The following CLCN5 variants were observed in gnomAD, a reference collection of about 807,000 sequenced individuals.
CLCN5 encodes Cl-/H+ antiporter 5, also known as H(+)/Cl(-) exchange transporter 5.
Under a neutral mutation model 54.0 loss-of-function variants are expected in CLCN5, and 17 were observed. The ratio of observed to expected loss-of-function variants is 0.31; its 90% CI spans 0.22 to 0.47. The LOEUF (loss-of-function observed/expected upper bound fraction) is 0.47, where lower values mean the gene tolerates loss of function less well. Among genes scored for constraint, CLCN5 ranks in the 20% least tolerant of loss-of-function variants. The probability of loss-of-function intolerance (pLI) is 1.00; values close to 1 mark genes in which losing one functional copy is unlikely to be tolerated. For missense variants in CLCN5, 448 were observed against 646.7 expected (o/e 0.69, Z 3.33); for synonymous variants, 222 against 233.0 (o/e 0.95, Z 0.43).
At chrX:50,051,702 T>C (rs1932593384) in intron 4 of CLCN5, among the ~76,000 whole-genome samples, 1 of 112,106 alleles carries the variant, frequency 8.9e-6, no homozygotes, top group Admixed American at 9.5e-5. Context: ...TGTAGTTTTC[T>C]GCATATAGAT....
chrX:50,069,362 T>C (rs1933146000), intron 4 of CLCN5: 1 of 167,726 alleles, frequency 6.0e-6, no homozygotes, highest in African/African-American at 3.1e-5. Flanking sequence ...GATCAAGTCT[T>C]ATACCTATTG....
rs1003213787 is a variant in CLCN5 at position 49,927,223 on chromosome X, T to C, written c.16+1909T>C. Among the ~76,000 whole-genome samples the C allele has an allele frequency of 7.1e-5, 8 of 112,410 alleles. No homozygotes were observed. In the Admixed American group the frequency reaches 7.5e-4, roughly 11 times the overall value. On this transcript the variant is annotated intron_variant, in intron 3 of 14. Transcript: ENST00000376091. ...TTTTTCTCTGTAGTTAATGGAAATG[T>C]CATTACTAGTTAATGATTTATTTTA...
At chrX:50,015,156 C>T (rs782418705) in intron 3 of CLCN5, among the ~76,000 whole-genome samples, 10 of 111,122 alleles carry the variant, frequency 9.0e-5, no homozygotes, top group Non-Finnish European at 1.5e-4. Flanking sequence ...CAGTGACAAA[C>T]GAGAGTCAAA....
intron 3 of CLCN5, among the ~76,000 whole-genome samples, chrX:49,965,715 A>G (rs782476120): frequency 1.8e-5 from 2 of 112,203 alleles, no homozygotes; most frequent in African/African-American, 3.2e-5. Context: ...CCAGTCTTTC[A>G]TCTTCAAGAA....
At chrX:50,089,872 A>C (rs1021696156) in intron 12 of CLCN5, among the ~76,000 whole-genome samples, 14 of 111,906 alleles carry the variant, frequency 1.3e-4, no homozygotes, top group Non-Finnish European at 2.3e-4. Flanking sequence ...GTGACAGAGC[A>C]CAAAACCCGT....
At position 50,090,521 on chromosome X, in the gene CLCN5, A is replaced by G. The variant is rs781811132; in HGVS notation, c.2143+7A>G. 18 of 1,200,518 alleles carry G rather than the reference A, an allele frequency of 1.5e-5. No homozygotes were observed. The highest frequency in any genetic ancestry group is 8.9e-5 in the Admixed American group (4 of 44,749). On this transcript the variant is annotated splice_region_variant and intron_variant, in intron 13 of 14. Transcript: ENST00000376091. ...GATCTCATTATTTCAATTGGTAAGG[A>G]TTTCAGAAAGGGGATAGTGGAATCC...
chrX:49,930,848 A>G (rs1040061698), intron 3 of CLCN5, among the ~76,000 whole-genome samples: 1 of 112,156 alleles, frequency 8.9e-6, no homozygotes, highest in Non-Finnish European at 1.9e-5. Context: ...AACTGTCATT[A>G]AAAGTATGGA....
intron 3 of CLCN5, among the ~76,000 whole-genome samples, chrX:49,949,811 C>T (rs892569872): frequency 1.8e-5 from 2 of 111,521 alleles, no homozygotes; most frequent in Non-Finnish European, 3.8e-5. Flanking sequence ...AAATCAGATT[C>T]CTTGATTCCC....
intron 3 of CLCN5, among the ~76,000 whole-genome samples, chrX:50,017,820 T>C (rs1557183795): frequency 8.9e-6 from 1 of 111,853 alleles, no homozygotes; most frequent in African/African-American, 3.2e-5. Context: ...TCTGGATTTG[T>C]TCTGTTCTAT....
At chrX:50,088,562 A>G (rs1557194312) in intron 11 of CLCN5, 136 bp from the exon 12 acceptor site, 1 of 593,667 alleles carries the variant, frequency 1.7e-6, no homozygotes, top group Non-Finnish European at 2.9e-6. Flanking sequence ...ACACCTTTAC[A>G]GCCACTTGCT....
intron 3 of CLCN5, among the ~76,000 whole-genome samples, chrX:50,035,742 A>C (rs1414877051): frequency 8.9e-6 from 1 of 112,296 alleles, no homozygotes; most frequent in African/African-American, 3.2e-5. Flanking sequence ...GATGGGATCC[A>C]GATTTGATAG....
At chrX:50,043,402 G>C (rs150884206) in intron 4 of CLCN5, among the ~76,000 whole-genome samples, 1 of 111,996 alleles carries the variant, frequency 8.9e-6, no homozygotes, top group African/African-American at 3.2e-5. Flanking sequence ...GAGTATTTTT[G>C]TCGCATAAGT....
rs186185812 is a variant in CLCN5, at chrX:49,971,326, A to G, written c.16+46012A>G. Among the ~76,000 whole-genome samples, 16 of 105,207 alleles carry G rather than the reference A, an allele frequency of 1.5e-4. No homozygotes were observed. The East Asian group carries it at 4.3e-3, about 28-fold the overall frequency. 91.4% of individuals were successfully genotyped at this position (105,207 alleles called of 115,157 possible). A position where few individuals can be genotyped will look rare whatever the true frequency, so the allele number is the denominator to read the frequency against. Reference sequence around the variant, plus strand: ...ATAATCATGTTATATATATTTAGAAATAGTTTCACTTACTTTCCAATCTGG... The same window carrying G: ...ATAATCATGTTATATATATTTAGAAGTAGTTTCACTTACTTTCCAATCTGG... On this transcript the variant is annotated intron_variant, in intron 3 of 14. Transcript: ENST00000376091.
At chrX:50,046,277 C>CA (rs1167467923) in intron 4 of CLCN5, among the ~76,000 whole-genome samples, 1 of 112,309 alleles carries the variant, frequency 8.9e-6, no homozygotes, top group Admixed American at 9.4e-5. Context: ...TTCATTCATT[C>CA]ATTCACTTAC....
chrX:50,060,607 C>G (rs1932840249), intron 4 of CLCN5, among the ~76,000 whole-genome samples: 1 of 110,615 alleles, frequency 9.0e-6, no homozygotes. Context: ...CCCAGGCTTG[C>G]TTAGGTAAAC....
chrX:49,964,195 G>C (rs1003014465), intron 3 of CLCN5, among the ~76,000 whole-genome samples: 1 of 112,393 alleles, frequency 8.9e-6, no homozygotes, highest in Non-Finnish European at 1.9e-5. Flanking sequence ...CAGTAGGTAA[G>C]AGATTACTTT....
chrX:49,929,397 G>A (rs1925523938), intron 3 of CLCN5, among the ~76,000 whole-genome samples: 1 of 111,909 alleles, frequency 8.9e-6, no homozygotes, highest in African/African-American at 3.3e-5. Flanking sequence ...GTGTTGTCAG[G>A]TGTTGTTTAT....
intron 3 of CLCN5, among the ~76,000 whole-genome samples, chrX:49,946,980 C>T (rs1926791565): frequency 9.1e-6 from 1 of 110,183 alleles, no homozygotes; most frequent in Admixed American, 9.7e-5. Flanking sequence ...AGTCATGTGC[C>T]ACCATGTGAT....
At chrX:49,973,777 T>A (rs1557176603) in intron 3 of CLCN5, among the ~76,000 whole-genome samples, 1 of 110,870 alleles carries the variant, frequency 9.0e-6, no homozygotes, top group East Asian at 2.8e-4. Flanking sequence ...CATGCATTTT[T>A]AACTTACGAT....
Sources: gnomAD v4.1 joint callset for allele counts (sites outside exome capture counted in the v4.1 genomes callset) on GRCh38, gnomAD v4.1.1 for gene constraint, MANE v1.5 for transcripts, NCBI Gene and HGNC (gene_info 2026-07-23, HGNC 2026-07-21) for gene names.